Variants in RASGRF2 observed in about 807,000 individuals in gnomAD.
RASGRF2 encodes the protein ras-specific guanine nucleotide-releasing factor 2.
RASGRF2 carries 76 observed loss-of-function variants against 151.0 expected under a neutral mutation model. The observed-to-expected ratio is 0.50, with a 90% CI of 0.42 to 0.61. The LOEUF (loss-of-function observed/expected upper bound fraction) is 0.61, where lower values mean the gene tolerates loss of function less well. Ranked by LOEUF, RASGRF2 falls within the 20% of genes least tolerant of loss-of-function variation. The pLI is 0.00. For synonymous variants in RASGRF2, 504 were observed against 566.5 expected (o/e 0.89, Z 1.57); for missense variants, 1,148 against 1,564.6 (o/e 0.73, Z 4.49).
intron 18 of RASGRF2, among the ~76,000 whole-genome samples, chr5:81,199,510 A>G (rs1433062405): frequency 1.3e-5 from 2 of 152,128 alleles, no homozygotes; most frequent in African/African-American, 4.8e-5. Flanking sequence ...TGACACTGTT[A>G]ATTCTGTTCT....
At chr5:80,965,209 G>A (rs1462311578) in intron 1 of RASGRF2, among the ~76,000 whole-genome samples, 1 of 152,084 alleles carries the variant, frequency 6.6e-6, no homozygotes, top group African/African-American at 2.4e-5. Flanking sequence ...ATTAGGCAGA[G>A]CTGCGTGCGA....
chr5:81,114,552 C>A lies in RASGRF2; in HGVS notation c.2470+632C>A, dbSNP rs542880438. ...TAGGGTTTCTGGCTTCAATTCTCTA[C>A]TGACTTCCTGTCACACTTAGAATAA... On this transcript the variant is annotated intron_variant, in intron 15 of 26. Coordinates refer to ENST00000265080, the MANE Select transcript of RASGRF2 (RefSeq NM_006909.3). 2.6e-5 allele frequency among the ~76,000 whole-genome samples: 4 copies of A among 152,356 alleles called. No individual in the cohort carries two copies. The South Asian group carries it at 6.2e-4, about 24-fold the overall frequency.
chr5:81,015,337 G>A (rs1461145954), intron 1 of RASGRF2, among the ~76,000 whole-genome samples: 4 of 152,174 alleles, frequency 2.6e-5, no homozygotes, highest in East Asian at 1.9e-4. Flanking sequence ...TTGAGGAATC[G>A]CCACACTGTC....
chr5:81,222,787 A>G (rs538346620), intron 26 of RASGRF2, among the ~76,000 whole-genome samples: 1 of 152,250 alleles, frequency 6.6e-6, no homozygotes, highest in South Asian at 2.1e-4. Flanking sequence ...TGAACAGGAA[A>G]AAATTCACCA....
Position 81,194,652 on chromosome 5 carries a change from C to T in RASGRF2, c.2794-6678C>T, listed in dbSNP as rs189121283. On this transcript the variant is annotated intron_variant, in intron 18 of 26. Transcript: ENST00000265080. ...ATCCCTTGACAGTTTTTGTCTTGTTCCTGGCCAGAACTACCCGCTTTTTGC... is the reference window on the plus strand; with the variant it reads ...ATCCCTTGACAGTTTTTGTCTTGTTTCTGGCCAGAACTACCCGCTTTTTGC... Among the ~76,000 whole-genome samples, 163 of 152,220 alleles carry T rather than the reference C, an allele frequency of 1.1e-3. 1 individual carries two copies. The Middle Eastern group carries it at 0.027, about 26-fold the overall frequency.
In RASGRF2 at chr5:81,229,769, G is replaced by C. The variant is rs1756071794; in HGVS notation, c.*3999G>C. 6.6e-6 allele frequency: 1 copy of C among 152,238 alleles called. No homozygotes were observed. 9.4% of individuals were successfully genotyped at this position (152,238 alleles called of 1,614,324 possible). Reference sequence around the variant, plus strand: ...CCCAGTCTCCAACTGGAAAACCTTAGGCTGGTGTTTACACATCCCTGAGCC... The same window carrying C: ...CCCAGTCTCCAACTGGAAAACCTTACGCTGGTGTTTACACATCCCTGAGCC... On this transcript the variant is annotated 3_prime_UTR_variant, in exon 27 of 27. Transcript: ENST00000265080.
chr5:81,024,828 G>A (rs1749963073), intron 1 of RASGRF2, among the ~76,000 whole-genome samples: 1 of 152,210 alleles, frequency 6.6e-6, no homozygotes, highest in South Asian at 2.1e-4. Flanking sequence ...GACAGTCTCA[G>A]TTTGGTGATT....
intron 1 of RASGRF2, among the ~76,000 whole-genome samples, chr5:81,018,549 T>A (rs948713776): frequency 1.3e-5 from 2 of 152,194 alleles, no homozygotes; most frequent in African/African-American, 2.4e-5. Context: ...GGTTAAGTAC[T>A]GAGATATGTG....
chr5:81,084,335 A>G (rs1415170931), intron 7 of RASGRF2, among the ~76,000 whole-genome samples: 1 of 152,202 alleles, frequency 6.6e-6, no homozygotes, highest in Non-Finnish European at 1.5e-5. Context: ...CAGTCATGCA[A>G]TTATGCCAGC....
chr5:81,124,330 T>G (rs888424763), intron 16 of RASGRF2, among the ~76,000 whole-genome samples: 8 of 152,220 alleles, frequency 5.3e-5, no homozygotes, highest in Non-Finnish European at 1.2e-4. Flanking sequence ...AACCAACATT[T>G]GTTTAGTTCC....
At chr5:81,147,702 G>A (rs2112613360) in intron 17 of RASGRF2, among the ~76,000 whole-genome samples, 1 of 152,258 alleles carries the variant, frequency 6.6e-6, no homozygotes, top group East Asian at 1.9e-4. Flanking sequence ...ATTATGTCTA[G>A]CATTTGAATG....
chr5:81,105,335 A>AC (rs1163388003), intron 12 of RASGRF2, among the ~76,000 whole-genome samples: 1 of 151,664 alleles, frequency 6.6e-6, no homozygotes, highest in African/African-American at 2.4e-5. Flanking sequence ...CTGCCTTCTG[A>AC]CCCCCTGTCC....
Position 81,183,393 on chromosome 5 carries a change from G to C in RASGRF2, c.2793+3112G>C, listed in dbSNP as rs552954842. 2.3e-5 allele frequency: 20 copies of C among 861,364 alleles called. 1 individual carries two copies. The South Asian group carries it at 8.5e-4, about 37-fold the overall frequency. 53.4% of individuals were successfully genotyped at this position (861,364 alleles called of 1,614,324 possible). ...AAAAGTTGCAGAAGTGTGGGGTTAG[G>C]GGTTGGTTCTCCAGAGAAATAAGAA... On this transcript the variant is annotated intron_variant, in intron 18 of 26. Transcript: ENST00000265080.
chr5:81,066,770 A>G (rs1437868227), intron 2 of RASGRF2, among the ~76,000 whole-genome samples: 1 of 152,246 alleles, frequency 6.6e-6, no homozygotes, highest in Non-Finnish European at 1.5e-5. Flanking sequence ...AAAGCGAGGT[A>G]GAATCCCAGA....
intron 1 of RASGRF2, among the ~76,000 whole-genome samples, chr5:81,021,290 T>G (rs577434252): frequency 1.3e-5 from 2 of 152,098 alleles, no homozygotes; most frequent in Non-Finnish European, 2.9e-5. Flanking sequence ...TTTGAGAAAA[T>G]TGGAGGAGGG....
chr5:80,980,401 A>G (rs906651900), intron 1 of RASGRF2, among the ~76,000 whole-genome samples: 3 of 152,138 alleles, frequency 2.0e-5, no homozygotes, highest in Non-Finnish European at 2.9e-5. Context: ...GCATTTTGGG[A>G]GGCTGAGGTG....
chr5:80,990,839 T>C (rs1010484055), intron 1 of RASGRF2, among the ~76,000 whole-genome samples: 3 of 152,214 alleles, frequency 2.0e-5, no homozygotes, highest in Admixed American at 6.5e-5. Flanking sequence ...CTGACTGTTC[T>C]AGTACATGAA....
chr5:81,135,159 T>A (rs78849758), intron 17 of RASGRF2, among the ~76,000 whole-genome samples: 7 of 141,582 alleles, frequency 4.9e-5, no homozygotes, highest in African/African-American at 1.7e-4. Context: ...AAAAAAAAAA[T>A]AGCTGCATAT....
chr5:81,085,302 G>A (rs1232946371), intron 7 of RASGRF2, among the ~76,000 whole-genome samples: 2 of 152,160 alleles, frequency 1.3e-5, no homozygotes, highest in African/African-American at 4.8e-5. Flanking sequence ...ACTTTTTACT[G>A]CAAGGAGGTG....
Sources: allele counts gnomAD v4.1 joint callset (sites outside exome capture counted in the v4.1 genomes callset), GRCh38; gene constraint gnomAD v4.1.1; transcripts MANE v1.5; gene names NCBI Gene and HGNC (gene_info 2026-07-23, HGNC 2026-07-21).